Variants in SRRM4 observed in about 807,000 individuals in gnomAD.
SRRM4 encodes serine/arginine repetitive matrix protein 4.
A neutral mutation model predicts 68.9 loss-of-function variants in SRRM4; 33 were observed. That is an observed-to-expected ratio of 0.48 (90% CI 0.36 to 0.64). The LOEUF is 0.64. Ranked by LOEUF, SRRM4 falls within the 30% of genes least tolerant of loss-of-function variation. The probability of loss-of-function intolerance (pLI) is 0.00; values close to 1 mark genes in which losing one functional copy is unlikely to be tolerated. For missense variants in SRRM4, 817 were observed against 827.1 expected (o/e 0.99, Z 0.15); for synonymous variants, 318 against 318.8 (o/e 1.00, Z 0.03).
chr12:119,080,332 T>C (rs1010877009), intron 1 of SRRM4, among the ~76,000 whole-genome samples: 1 of 142,360 alleles, frequency 7.0e-6, no homozygotes, highest in Admixed American at 7.5e-5. Context: ...CACTAAATTA[T>C]GTATAATATA....
chr12:119,030,667 T>C (rs999362221), intron 1 of SRRM4, among the ~76,000 whole-genome samples: 2 of 152,220 alleles, frequency 1.3e-5, no homozygotes, highest in Admixed American at 6.5e-5. Flanking sequence ...ATATTTTCAT[T>C]GCTTTATAAG....
chr12:119,025,689 C>T (rs1953544122), intron 1 of SRRM4, among the ~76,000 whole-genome samples: 1 of 152,014 alleles, frequency 6.6e-6, no homozygotes, highest in Non-Finnish European at 1.5e-5. Flanking sequence ...GGTGATCCAC[C>T]TGCCTTGGCC....
intron 9 of SRRM4, among the ~76,000 whole-genome samples, chr12:119,146,602 TGAAA>T (rs1954403697): frequency 7.2e-6 from 1 of 139,076 alleles, no homozygotes; most frequent in Non-Finnish European, 1.6e-5. Flanking sequence ...AAAAAAAAAA[TGAAA>T]GAAAGTCTAA....
intron 4 of SRRM4, among the ~76,000 whole-genome samples, chr12:119,117,598 A>G (rs866592532): frequency 1.3e-5 from 2 of 150,270 alleles, no homozygotes; most frequent in African/African-American, 2.4e-5. Flanking sequence ...TTCACTGTGC[A>G]CACACACACA....
At chr12:119,034,527 C>A (rs1365263471) in intron 1 of SRRM4, among the ~76,000 whole-genome samples, 1 of 152,204 alleles carries the variant, frequency 6.6e-6, no homozygotes, top group Non-Finnish European at 1.5e-5. Flanking sequence ...GCATATTACT[C>A]AAACTCACTA....
intron 7 of SRRM4, 107 bp from the exon 8 acceptor site, chr12:119,130,571 A>T: frequency 2.7e-6 from 3 of 1,118,412 alleles, no homozygotes; most frequent in Non-Finnish European, 3.7e-6. Context: ...ACATATACAA[A>T]CACCCCCAAA....
intron 1 of SRRM4, among the ~76,000 whole-genome samples, chr12:119,014,248 T>C (rs1370830818): frequency 6.6e-6 from 1 of 152,248 alleles, no homozygotes; most frequent in Admixed American, 6.5e-5. Flanking sequence ...AAAGGAATTA[T>C]TCTTCTGTCA....
intron 6 of SRRM4, among the ~76,000 whole-genome samples, chr12:119,125,050 G>A (rs867037632): frequency 1.3e-4 from 20 of 152,084 alleles, no homozygotes; most frequent in Admixed American, 7.9e-4. Context: ...ACGTTGAGGC[G>A]CCTGCCTTGA....
chr12:119,076,432 T>C (rs1019721423), intron 1 of SRRM4, among the ~76,000 whole-genome samples: 1 of 152,214 alleles, frequency 6.6e-6, no homozygotes, highest in African/African-American at 2.4e-5. Context: ...AGGAGAACCC[T>C]GCATTCAGAC....
intron 1 of SRRM4, among the ~76,000 whole-genome samples, chr12:119,039,043 A>C (rs1953648102): frequency 6.6e-6 from 1 of 152,210 alleles, no homozygotes; most frequent in Non-Finnish European, 1.5e-5. Context: ...CTGAAGAAAT[A>C]AAGAAAATCT....
Position 119,153,641 on chromosome 12 carries a change from C to T in SRRM4, c.1383C>T (p.Ser461=). 1 of 1,554,440 alleles carries T rather than the reference C, an allele frequency of 6.4e-7. No individual in the cohort carries two copies. The highest frequency in any genetic ancestry group is 8.7e-7 in the Non-Finnish European group (1 of 1,151,112). ...GCAGCCCTAGCTACTCCCGCTACAG[C>T]CCCAGCAGGTACCGGCCCCGCCCCT... ...SRRSPSYSRY[S]PSRERDPKYS... is the part of the protein sequence containing the mutation. The change falls in exon 11 of 13, where the codon AGC becomes AGT. Residue 461 remains serine, a synonymous_variant. Coordinates refer to ENST00000267260, the MANE Select transcript of SRRM4 (RefSeq NM_194286.4).
intron 1 of SRRM4, among the ~76,000 whole-genome samples, chr12:119,021,548 C>A (rs1029896889): frequency 3.3e-5 from 5 of 152,186 alleles, no homozygotes; most frequent in African/African-American, 1.2e-4. Context: ...ACCAACTACC[C>A]CCAGTGGTCA....
At chr12:119,125,914 C>T (rs1475799003) in intron 7 of SRRM4, among the ~76,000 whole-genome samples, 2 of 150,630 alleles carry the variant, frequency 1.3e-5, no homozygotes, top group East Asian at 3.9e-4. Context: ...GAACAAGACT[C>T]CATCTCAAAA....
At chr12:119,022,739 C>T (rs766460334) in intron 1 of SRRM4, among the ~76,000 whole-genome samples, 5 of 152,178 alleles carry the variant, frequency 3.3e-5, no homozygotes, top group East Asian at 3.8e-4. Context: ...CCCAGAGAAC[C>T]TTTATCAATT....
Position 119,028,842 on chromosome 12 carries a change from G to A in SRRM4, c.131+46829G>A, listed in dbSNP as rs372394874. On this transcript the variant is annotated intron_variant, in intron 1 of 12. Transcript: ENST00000267260. Reference sequence around the variant, plus strand: ...CCTTGAAGGAAAATAAATTTGAATCGGTGATCCCAGGCTATAGGCAAGATG... The same window carrying A: ...CCTTGAAGGAAAATAAATTTGAATCAGTGATCCCAGGCTATAGGCAAGATG... 1.6e-4 allele frequency among the ~76,000 whole-genome samples: 25 copies of A among 152,260 alleles called. No homozygotes were observed. The Middle Eastern group carries it at 0.017, about 104-fold the overall frequency.
In SRRM4 at chr12:119,117,001, C is replaced by T; in HGVS notation, c.430C>T (p.Arg144Ter). The change falls in exon 4 of 13, where the codon CGA becomes TGA. Residue 144 changes from arginine to a stop codon, truncating the protein, a stop_gained. Transcript: ENST00000267260. LOFTEE classifies it high-confidence loss of function. ...KKKKSSKKHK[R>*]RRSFSKKRRH... ...GAAGAAAAGTTCCAAGAAACACAAG[C>T]GACGCAGGTATTGTCCTTTTTCTCT... 1 of 1,613,804 alleles carries T rather than the reference C, an allele frequency of 6.2e-7. No homozygotes were observed. The highest frequency in any genetic ancestry group is 8.5e-7 in the Non-Finnish European group (1 of 1,179,788).
chr12:119,084,988 C>T (rs929373801), intron 1 of SRRM4, among the ~76,000 whole-genome samples: 3 of 152,192 alleles, frequency 2.0e-5, no homozygotes, highest in African/African-American at 7.2e-5. Flanking sequence ...GCAACCTTCG[C>T]CTCCTGGGTT....
At chr12:119,128,312 C>T (rs1218800290) in intron 7 of SRRM4, among the ~76,000 whole-genome samples, 1 of 152,186 alleles carries the variant, frequency 6.6e-6, no homozygotes. Flanking sequence ...CCTCGGCAGT[C>T]AGCCTTAGCC....
chr12:119,043,883 GA>G (rs1423291313), intron 1 of SRRM4, among the ~76,000 whole-genome samples: 2 of 151,042 alleles, frequency 1.3e-5, no homozygotes, highest in African/African-American at 4.9e-5. Context: ...TTTGTTTTTT[GA>G]GACGGAGTTT....
Sources: allele counts gnomAD v4.1 joint callset (sites outside exome capture counted in the v4.1 genomes callset), GRCh38; gene constraint gnomAD v4.1.1; transcripts MANE v1.5; gene names NCBI Gene and HGNC (gene_info 2026-07-23, HGNC 2026-07-21).